NEDD4L: variants seen among roughly 807,000 people sequenced by gnomAD.
NEDD4L encodes the protein E3 ubiquitin-protein ligase NEDD4-like.
In NEDD4L, 54 loss-of-function variants were observed where a neutral mutation model predicts 148.9. That is an observed-to-expected ratio of 0.36 (90% CI 0.29 to 0.45). The LOEUF (loss-of-function observed/expected upper bound fraction) is 0.45, where lower values mean the gene tolerates loss of function less well. NEDD4L is among the 20% of genes least tolerant of loss of function. The pLI, the probability that NEDD4L is intolerant of heterozygous loss-of-function variation, is 1.00. For synonymous variants in NEDD4L, 433 were observed against 440.7 expected (o/e 0.98, Z 0.22); for missense variants, 856 against 1,233.8 (o/e 0.69, Z 4.59).
intron 2 of NEDD4L, among the ~76,000 whole-genome samples, chr18:58,219,864 A>T (rs1390471849): frequency 6.6e-6 from 1 of 152,216 alleles, no homozygotes; most frequent in Admixed American, 6.5e-5. Context: ...TTAAGGGAAT[A>T]GGCAAATCGT....
intron 1 of NEDD4L, among the ~76,000 whole-genome samples, chr18:58,049,978 A>G (rs1387952809): frequency 1.9e-4 from 1 of 5,174 alleles, no homozygotes; most frequent in African/African-American, 7.1e-4. Context: ...CCTGTCTCCA[A>G]AAAAAAAAAA....
At chr18:58,335,061 T>G (rs1322688517) in intron 12 of NEDD4L, among the ~76,000 whole-genome samples, 1 of 152,196 alleles carries the variant, frequency 6.6e-6, no homozygotes, top group Non-Finnish European at 1.5e-5. Flanking sequence ...AAGAACTCAC[T>G]TTCCTGGAAA....
rs2148582997 is a variant in NEDD4L at position 58,256,551 on chromosome 18, T to C, written c.297+4497T>C. ...AGCCCCACGGAAGATCGGGGAGCCC[T>C]GGAGGCATCGCCTCGAGCTGGCAGG... On this transcript the variant is annotated intron_variant, in intron 5 of 30. Transcript: ENST00000400345. This position sits in a 1 kb window ranked among gnomAD's most constrained non-coding sequence, Gnocchi z 5.2. 7.3e-6 allele frequency: 9 copies of C among 1,232,302 alleles called. No homozygotes were observed. Among genetic ancestry groups the C allele is most frequent in the South Asian group, 4.1e-5 (1 of 24,324 alleles). 76.3% of individuals were successfully genotyped at this position (1,232,302 alleles called of 1,614,324 possible). A position where few individuals can be genotyped will look rare whatever the true frequency, so the allele number is the denominator to read the frequency against.
intron 1 of NEDD4L, among the ~76,000 whole-genome samples, chr18:58,076,717 G>C (rs2083178867): frequency 6.6e-6 from 1 of 152,034 alleles, no homozygotes; most frequent in African/African-American, 2.4e-5. Flanking sequence ...CTGATCTCCA[G>C]AATGGCTCCA....
At chr18:58,373,317 T>C in intron 24 of NEDD4L, 48 bp downstream of exon 24, 1 of 1,092,618 alleles carries the variant, frequency 9.2e-7, no homozygotes, top group Non-Finnish European at 1.4e-6. Context: ...TCAAGGGGCA[T>C]TTTTCTTCTT....
At chr18:58,105,692 T>C (rs915096339) in intron 1 of NEDD4L, among the ~76,000 whole-genome samples, 2 of 152,208 alleles carry the variant, frequency 1.3e-5, no homozygotes, top group African/African-American at 2.4e-5. Context: ...TGGTCTGATA[T>C]CACGAGTCAA....
At chr18:58,355,480 A>G (rs2044484947) in intron 18 of NEDD4L, among the ~76,000 whole-genome samples, 1 of 152,184 alleles carries the variant, frequency 6.6e-6, no homozygotes, top group Non-Finnish European at 1.5e-5. Flanking sequence ...TGGTCTGAGG[A>G]CTTGCGAATC....
intron 2 of NEDD4L, chr18:58,221,738 A>G (rs868225657): frequency 2.0e-6 from 2 of 985,264 alleles, no homozygotes; most frequent in African/African-American, 3.5e-5. Flanking sequence ...GTTTTTCAGC[A>G]GCTTTGAGGA....
intron 2 of NEDD4L, among the ~76,000 whole-genome samples, chr18:58,233,856 T>C (rs1334371379): frequency 6.6e-6 from 1 of 152,188 alleles, no homozygotes; most frequent in African/African-American, 2.4e-5. Context: ...TTCTGGCTCT[T>C]CTAGTTTGTG....
intron 17 of NEDD4L, among the ~76,000 whole-genome samples, chr18:58,350,071 G>A (rs1251043162): frequency 6.6e-6 from 1 of 152,130 alleles, no homozygotes; most frequent in Non-Finnish European, 1.5e-5. Context: ...TTTCTCCCTT[G>A]TTGGTGACGG....
chr18:58,371,331 G>A (rs898399618), intron 23 of NEDD4L, among the ~76,000 whole-genome samples: 2 of 151,480 alleles, frequency 1.3e-5, no homozygotes, highest in Admixed American at 6.6e-5. Flanking sequence ...GGGATTACAG[G>A]TGTGAGCCAC....
chr18:58,370,599 T>C (rs944042164), intron 23 of NEDD4L, 132 bp downstream of exon 23: 1 of 686,526 alleles, frequency 1.5e-6, no homozygotes, highest in African/African-American at 1.8e-5. Context: ...AGGAGACATT[T>C]AATTGCTTGA....
chr18:58,251,999 A>G lies in NEDD4L; in HGVS notation c.244-2A>G. On this transcript the variant is annotated splice_acceptor_variant, in intron 4 of 30. Coordinates refer to ENST00000400345, the MANE Select transcript of NEDD4L (RefSeq NM_001144967.3). LOFTEE classifies it high-confidence loss of function. ...AAAAAATACTATTTATGTTCCTTAT[A>G]GGTAAACCCATCTAATCACAGACTC... 1 of 1,529,080 alleles carries G rather than the reference A, an allele frequency of 6.5e-7. No individual in the cohort carries two copies. The highest frequency in any genetic ancestry group is 9.1e-7 in the Non-Finnish European group (1 of 1,102,590). The allele number at this position is 1,529,080 out of a possible 1,614,324, so 94.7% of individuals were successfully genotyped here. A position where few individuals can be genotyped will look rare whatever the true frequency, so the allele number is the denominator to read the frequency against.
At chr18:58,124,213 G>A (rs976794951) in intron 1 of NEDD4L, among the ~76,000 whole-genome samples, 4 of 152,280 alleles carry the variant, frequency 2.6e-5, no homozygotes, top group Admixed American at 2.0e-4. Context: ...GTGTTCCCCG[G>A]GTGGGAGGCC....
intron 5 of NEDD4L, among the ~76,000 whole-genome samples, chr18:58,298,650 G>A (rs2056030571): frequency 6.6e-6 from 1 of 152,192 alleles, no homozygotes; most frequent in African/African-American, 2.4e-5. Flanking sequence ...AGGGCTGGGT[G>A]AGTTGATGGG....
At chr18:58,077,977 T>G (rs1035535186) in intron 1 of NEDD4L, among the ~76,000 whole-genome samples, 3 of 150,826 alleles carry the variant, frequency 2.0e-5, no homozygotes, top group Non-Finnish European at 4.4e-5. Flanking sequence ...GGGAGTTATC[T>G]GGACCAAAAT....
chr18:58,282,819 T>C (rs1217028598), intron 5 of NEDD4L, among the ~76,000 whole-genome samples: 1 of 152,202 alleles, frequency 6.6e-6, no homozygotes, highest in Non-Finnish European at 1.5e-5. Context: ...AATTCCCGTC[T>C]GTATCAGTCA....
chr18:58,066,416 A>G (rs1599030421), intron 1 of NEDD4L, among the ~76,000 whole-genome samples: 1 of 80,964 alleles, frequency 1.2e-5, no homozygotes, highest in African/African-American at 3.7e-5. Context: ...TTTTTAACGG[A>G]GTCTCTCTCT....
At position 58,349,780 on chromosome 18, in the gene NEDD4L, A is replaced by G. The variant is rs578059740; in HGVS notation, c.1653+166A>G. Among the ~76,000 whole-genome samples, 4 of 152,356 alleles carry G rather than the reference A, an allele frequency of 2.6e-5. No individual in the cohort carries two copies. The South Asian group carries it at 8.3e-4, about 32-fold the overall frequency. On this transcript the variant is annotated intron_variant, in intron 17 of 30. Transcript: ENST00000400345. ...GTGTTTAGCTGAATTGTAGTCATACATTATAGTTCATGTGATATCCAGTAC... is the reference window on the plus strand; with the variant it reads ...GTGTTTAGCTGAATTGTAGTCATACGTTATAGTTCATGTGATATCCAGTAC...
Sources: allele counts gnomAD v4.1 joint callset (sites outside exome capture counted in the v4.1 genomes callset), GRCh38; gene constraint gnomAD v4.1.1; non-coding constraint Gnocchi (gnomAD v3.1); transcripts MANE v1.5; gene names NCBI Gene and HGNC (gene_info 2026-07-23, HGNC 2026-07-21).